Variants in LRRIQ1 observed in about 807,000 individuals in gnomAD.
LRRIQ1 encodes leucine-rich repeat- and IQ domain-containing protein 1.
Under a neutral mutation model 211.9 loss-of-function variants are expected in LRRIQ1, and 210 were observed. The observed-to-expected ratio is 0.99, with a 90% CI of 0.89 to 1.11. The LOEUF (loss-of-function observed/expected upper bound fraction) is 1.11. Among genes scored for constraint, LRRIQ1 ranks in the 50% most tolerant of loss-of-function variants. The probability of loss-of-function intolerance (pLI) is 0.00; values close to 1 mark genes in which losing one functional copy is unlikely to be tolerated. For missense variants in LRRIQ1, 2,136 were observed against 1,939.5 expected (o/e 1.10, Z -1.90); for synonymous variants, 699 against 650.1 (o/e 1.08, Z -1.14).
In LRRIQ1 at chr12:85,152,321, C is replaced by T. The variant is rs377255558; in HGVS notation, c.4371C>T (p.Arg1457=). The T allele has an allele frequency of 6.2e-7, 1 of 1,611,500 alleles. No individual in the cohort carries two copies. ...AATGGCTAGCATTAGATTCCACCCG[C>T]TTCCCTTCACAAACACTGCTTCTTT... The part of the protein sequence containing the change: ...EEEWLALDST[R]FPSQTLLLSN... Residue 1457 remains arginine (R), a synonymous_variant, in exon 20 of 27, where the codon CGC becomes CGT. Transcript: ENST00000393217.
In LRRIQ1 at chr12:85,047,471, G is replaced by T; in HGVS notation, c.678+1G>T. 2.5e-6 allele frequency: 4 copies of T among 1,606,242 alleles called. No individual in the cohort carries two copies. The highest frequency in any genetic ancestry group is 3.4e-6 in the Non-Finnish European group (4 of 1,176,986). The stretch of plus-strand genomic sequence containing the variant: ...GAAGAAATTAGAGAACATTCAGAAG[G>T]TATTTTGCTTTTGTTTTTCATGTAT... On this transcript the variant is annotated splice_donor_variant, in intron 6 of 26. Coordinates refer to ENST00000393217, the MANE Select transcript of LRRIQ1 (RefSeq NM_001079910.2). LOFTEE classifies it high-confidence loss of function.
intron 24 of LRRIQ1, among the ~76,000 whole-genome samples, chr12:85,187,087 G>A (rs1892261636): frequency 6.6e-6 from 1 of 151,948 alleles, no homozygotes; most frequent in African/African-American, 2.4e-5. Context: ...TTATTATTAT[G>A]ATAATGATAT....
intron 17 of LRRIQ1, among the ~76,000 whole-genome samples, chr12:85,125,590 C>T (rs959190891): frequency 6.6e-6 from 1 of 152,080 alleles, no homozygotes; most frequent in Non-Finnish European, 1.5e-5. Flanking sequence ...TTTTCCCAGT[C>T]TTCCTTTTTT....
In LRRIQ1 at chr12:85,101,968, G is replaced by C. The variant is rs377249584; in HGVS notation, c.3210-2036G>C. ...GAGATACTCTGAAAAAAGAAAAAAA[G>C]TTGTATTCTGAATGGTTTAATATGC... is the stretch of plus-strand genomic sequence containing the variant. On this transcript the variant is annotated intron_variant, in intron 13 of 26. Transcript: ENST00000393217. 1.5e-4 allele frequency among the ~76,000 whole-genome samples: 23 copies of C among 151,630 alleles called. 1 individual carries two copies. Among genetic ancestry groups the C allele is most frequent in the Admixed American group, 1.1e-3 (16 of 15,198 alleles).
chr12:85,040,284 G>A (rs1338513040), intron 2 of LRRIQ1, among the ~76,000 whole-genome samples: 1 of 151,444 alleles, frequency 6.6e-6, no homozygotes, highest in Non-Finnish European at 1.5e-5. Flanking sequence ...TTTTCTTAGA[G>A]TTTTCTAGAA....
chr12:85,173,149 CCT>C (rs1223085662), intron 24 of LRRIQ1, among the ~76,000 whole-genome samples: 1 of 151,964 alleles, frequency 6.6e-6, no homozygotes, highest in Non-Finnish European at 1.5e-5. Context: ...ATTTGTCTTA[CCT>C]CAACAAAATT....
chr12:85,124,378 G>A lies in LRRIQ1; in HGVS notation c.3866G>A (p.Arg1289Lys), dbSNP rs1255371272. ...KSATCENMEG[R>K]HQEILVCQKR... ...GCCACATGTGAAAATATGGAAGGAA[G>A]ACATCAGGAAATATTAGTATGTCAG... The change falls in exon 17 of 27, where the codon AGA (arginine) becomes AAA (lysine). Residue 1289 changes from arginine to lysine, a missense_variant. Arg to Lys is a conservative substitution (Grantham distance 26). Transcript: ENST00000393217. The A allele has an allele frequency of 3.1e-6, 5 of 1,613,958 alleles. 1 individual carries two copies. The South Asian group carries it at 4.4e-5, about 14-fold the overall frequency.
rs74513348 is a variant in LRRIQ1 at position 85,250,146 on chromosome 12, A to G, written c.121+5237A>G. ...GATGGATGGAAGGATGAATATTGTC[A>G]TTCTTTAGATGCATCAGAGCTAGGA... On this transcript the variant is annotated intron_variant, in intron 1 of 1. Transcript: ENST00000602731. Among the ~76,000 whole-genome samples, 4 of 151,938 alleles carry G rather than the reference A, an allele frequency of 2.6e-5. No individual in the cohort carries two copies. The East Asian group carries it at 7.8e-4, about 29-fold the overall frequency.
intron 25 of LRRIQ1, among the ~76,000 whole-genome samples, chr12:85,231,979 A>C (rs1894964296): frequency 6.6e-6 from 1 of 152,202 alleles, no homozygotes; most frequent in Non-Finnish European, 1.5e-5. Context: ...ATTTCTATTA[A>C]CCAGATATAA....
intron 26 of LRRIQ1, among the ~76,000 whole-genome samples, chr12:85,242,647 T>C (rs1895517557): frequency 1.3e-5 from 2 of 151,888 alleles, no homozygotes; most frequent in South Asian, 4.1e-4. Context: ...CAGAGAATGA[T>C]GTTTAGTTGG....
chr12:85,097,013 C>T (rs1390002924), intron 11 of LRRIQ1, among the ~76,000 whole-genome samples: 5 of 152,102 alleles, frequency 3.3e-5, no homozygotes, highest in Admixed American at 6.6e-5. Flanking sequence ...GCATGATAGA[C>T]GTTTCATGAA....
intron 19 of LRRIQ1, among the ~76,000 whole-genome samples, chr12:85,151,329 C>G (rs893322437): frequency 1.3e-5 from 2 of 151,524 alleles, no homozygotes; most frequent in African/African-American, 2.4e-5. Context: ...TGTCCTAGGC[C>G]TGCCTTTCCA....
chr12:85,081,682 G>T (rs1592757053), intron 11 of LRRIQ1, among the ~76,000 whole-genome samples: 1 of 147,216 alleles, frequency 6.8e-6, no homozygotes, highest in African/African-American at 2.5e-5. Flanking sequence ...AATTATATTT[G>T]CTGACATTTG....
intron 26 of LRRIQ1, among the ~76,000 whole-genome samples, chr12:85,235,368 T>G (rs2137219800): frequency 1.3e-5 from 2 of 151,878 alleles, no homozygotes; most frequent in Middle Eastern, 6.8e-3. Context: ...ATGCAGAGAG[T>G]TTATTCAGCA....
intron 10 of LRRIQ1, among the ~76,000 whole-genome samples, chr12:85,070,133 TTTGA>T (rs1236792077): frequency 6.6e-6 from 1 of 151,918 alleles, no homozygotes; most frequent in Non-Finnish European, 1.5e-5. Flanking sequence ...TTAAAAACGG[TTTGA>T]TTAAGTTAAA....
At chr12:85,254,708 GAAA>G (rs146949491) in intron 1 of LRRIQ1, among the ~76,000 whole-genome samples, 1 of 151,986 alleles carries the variant, frequency 6.6e-6, no homozygotes, top group African/African-American at 2.4e-5. Context: ...CCATCTTAGA[GAAA>G]ATGTCATTTA....
intron 15 of LRRIQ1, among the ~76,000 whole-genome samples, chr12:85,108,420 GC>G (rs1003973829): frequency 4.1e-4 from 63 of 152,052 alleles, no homozygotes; most frequent in African/African-American, 1.4e-3. Flanking sequence ...GAGCCACTGT[GC>G]CCGGTCTTCT....
intron 12 of LRRIQ1, 21 bp from the exon 13 acceptor site, chr12:85,098,846 A>G (rs748124165): frequency 1.3e-6 from 2 of 1,514,572 alleles, no homozygotes; most frequent in Non-Finnish European, 1.8e-6. Flanking sequence ...ATATAAACTA[A>G]TGAACCAAAT....
chr12:85,267,485 CAAATA>C (rs1896448666), downstream of LRRIQ1, among the ~76,000 whole-genome samples: 1 of 151,868 alleles, frequency 6.6e-6, no homozygotes, highest in Non-Finnish European at 1.5e-5. Flanking sequence ...ATACATGTTA[CAAATA>C]AAATAATAAA....
Sources: allele counts gnomAD v4.1 joint callset (sites outside exome capture counted in the v4.1 genomes callset), GRCh38; gene constraint gnomAD v4.1.1; transcripts MANE v1.5; gene names NCBI Gene and HGNC (gene_info 2026-07-23, HGNC 2026-07-21).